Variants in TTPA observed in about 807,000 individuals in gnomAD.
The protein encoded by TTPA is alpha-tocopherol transfer protein.
A neutral mutation model predicts 25.9 loss-of-function variants in TTPA; 23 were observed. The observed-to-expected ratio is 0.89, with a 90% CI of 0.64 to 1.26. The LOEUF (loss-of-function observed/expected upper bound fraction) is 1.26. Among genes scored for constraint, TTPA ranks in the 50% most tolerant of loss-of-function variants. The pLI is 0.00. For missense variants in TTPA, 337 were observed against 353.1 expected (o/e 0.95, Z 0.37); for synonymous variants, 148 against 137.3 (o/e 1.08, Z -0.54).
At chr8:63,071,300 A>G (rs1805479308) in intron 2 of TTPA, among the ~76,000 whole-genome samples, 1 of 152,248 alleles carries the variant, frequency 6.6e-6, no homozygotes, top group Non-Finnish European at 1.5e-5. Context: ...AATTAAATAC[A>G]GTAACTTCTT....
chr8:63,067,035 G>C (rs561394783), intron 2 of TTPA, among the ~76,000 whole-genome samples: 1 of 152,016 alleles, frequency 6.6e-6, no homozygotes, highest in South Asian at 2.1e-4. Flanking sequence ...GGGCAACATA[G>C]CAAGAACCGG....
chr8:63,078,044 G>C (rs564738628), intron 1 of TTPA, among the ~76,000 whole-genome samples: 3 of 152,240 alleles, frequency 2.0e-5, no homozygotes, highest in African/African-American at 4.8e-5. Context: ...AGGCAAACAG[G>C]GTCTGGAATG....
intron 1 of TTPA, among the ~76,000 whole-genome samples, chr8:63,081,580 AC>A (rs1805664426): frequency 1.3e-5 from 2 of 152,206 alleles, no homozygotes; most frequent in Non-Finnish European, 2.9e-5. Flanking sequence ...GAAAACCGGC[AC>A]AGGACAAGGA....
chr8:63,070,126 T>C (rs1019489295), intron 2 of TTPA, among the ~76,000 whole-genome samples: 1 of 152,172 alleles, frequency 6.6e-6, no homozygotes, highest in African/African-American at 2.4e-5. Context: ...AGAGCTGAGA[T>C]TCCAATCCAG....
chr8:63,064,171 G>T, intron 4 of TTPA, 35 bp downstream of exon 4: 1 of 1,457,550 alleles, frequency 6.9e-7, no homozygotes, highest in Non-Finnish European at 9.6e-7. Flanking sequence ...AATGTTTGGT[G>T]TAGAGGAACA....
chr8:63,074,173 C>T (rs1316663042), intron 1 of TTPA, among the ~76,000 whole-genome samples: 1 of 152,026 alleles, frequency 6.6e-6, no homozygotes, highest in Non-Finnish European at 1.5e-5. Context: ...ACTATAACCA[C>T]AAAAATCACA....
At chr8:63,072,470 C>G (rs1805497671) in intron 2 of TTPA, among the ~76,000 whole-genome samples, 1 of 152,150 alleles carries the variant, frequency 6.6e-6, no homozygotes, top group South Asian at 2.1e-4. Flanking sequence ...ACCATGTTGG[C>G]CAGGTTGGTC....
chr8:63,065,554 C>G (rs1316835535), intron 3 of TTPA, among the ~76,000 whole-genome samples: 1 of 152,048 alleles, frequency 6.6e-6, no homozygotes, highest in Non-Finnish European at 1.5e-5. Flanking sequence ...TATACACCTA[C>G]CAAGACTTAT....
At chr8:63,061,862 A>G (rs887232949) in intron 4 of TTPA, among the ~76,000 whole-genome samples, 4 of 152,350 alleles carry the variant, frequency 2.6e-5, no homozygotes, top group Middle Eastern at 3.4e-3. Context: ...TAAATCTATG[A>G]GAAACAATTT....
At chr8:63,074,732 A>G (rs564778591) in intron 1 of TTPA, among the ~76,000 whole-genome samples, 4 of 152,282 alleles carry the variant, frequency 2.6e-5, no homozygotes, top group Non-Finnish European at 1.5e-5. Context: ...TTTCATTCCA[A>G]TTCAAGTAAA....
rs555273347 is a variant in TTPA, at chr8:63,075,283, T to A, written c.205-2195A>T. On this transcript the variant is annotated intron_variant, in intron 1 of 4. Transcript: ENST00000260116. ...TATGTTTTGTAACAGAGTAGGTTTCTTCTTACATGTTTCATGTACTTTGAA... is the reference window on the plus strand; with the variant it reads ...TATGTTTTGTAACAGAGTAGGTTTCATCTTACATGTTTCATGTACTTTGAA... 1.3e-3 allele frequency among the ~76,000 whole-genome samples: 193 copies of A among 152,344 alleles called. 1 individual carries two copies. The highest frequency in any genetic ancestry group is 4.3e-3 in the African/African-American group (179 of 41,584).
At chr8:63,066,579 G>C (rs571315865) in intron 2 of TTPA, among the ~76,000 whole-genome samples, 66 of 152,266 alleles carry the variant, frequency 4.3e-4, no homozygotes, top group Non-Finnish European at 2.9e-4. Flanking sequence ...GTCCCTGTAG[G>C]CTAGAGCAGG....
intron 1 of TTPA, among the ~76,000 whole-genome samples, chr8:63,078,944 C>T (rs566927111): frequency 1.3e-5 from 2 of 152,190 alleles, no homozygotes; most frequent in Non-Finnish European, 2.9e-5. Flanking sequence ...AGAGAAAAGT[C>T]GGGTTACCCA....
chr8:63,076,362 A>C (rs1218100568), intron 1 of TTPA, among the ~76,000 whole-genome samples: 1 of 148,830 alleles, frequency 6.7e-6, no homozygotes, highest in Non-Finnish European at 1.5e-5. Context: ...TTTATACAAA[A>C]ACTATAGGGC....
intron 1 of TTPA, among the ~76,000 whole-genome samples, chr8:63,081,761 T>A (rs1406595733): frequency 6.6e-6 from 1 of 152,110 alleles, no homozygotes; most frequent in Non-Finnish European, 1.5e-5. Context: ...CAACCCAAAA[T>A]CTCCTTAAGC....
At chr8:63,061,711 AAAGTT>A (rs888517824) in intron 4 of TTPA, among the ~76,000 whole-genome samples, 10 of 152,358 alleles carry the variant, frequency 6.6e-5, no homozygotes, top group African/African-American at 2.2e-4. Context: ...AAGATTAAAT[AAAGTT>A]ATTTTATAAA....
intron 1 of TTPA, among the ~76,000 whole-genome samples, chr8:63,080,669 C>T (rs1193183590): frequency 2.7e-5 from 4 of 147,842 alleles, no homozygotes; most frequent in East Asian, 2.0e-4. Flanking sequence ...TGCAGTGAGC[C>T]GAATCATGCC....
chr8:63,067,064 G>T (rs970174336), intron 2 of TTPA, among the ~76,000 whole-genome samples: 1 of 151,668 alleles, frequency 6.6e-6, no homozygotes, highest in African/African-American at 2.4e-5. Flanking sequence ...AAAATTCAAA[G>T]AATTTTTTTA....
At chr8:63,068,490 A>G (rs149862124) in intron 2 of TTPA, among the ~76,000 whole-genome samples, 5 of 152,342 alleles carry the variant, frequency 3.3e-5, no homozygotes, top group South Asian at 2.1e-4. Context: ...AAGAAAGTCA[A>G]TAATGGTTGG....
Sources: gnomAD v4.1 joint callset for allele counts (sites outside exome capture counted in the v4.1 genomes callset) on GRCh38, gnomAD v4.1.1 for gene constraint, MANE v1.5 for transcripts, NCBI Gene and HGNC (gene_info 2026-07-23, HGNC 2026-07-21) for gene names.